The following PRCC variants were observed in gnomAD, a reference collection of about 807,000 sequenced individuals.
PRCC encodes proline rich mitotic checkpoint control factor, also known as proline-rich protein PRCC.
In PRCC, 10 loss-of-function variants were observed where a neutral mutation model predicts 44.0. The observed-to-expected ratio is 0.23, with a 90% CI of 0.14 to 0.39. PRCC has a LOEUF of 0.39. PRCC is among the 10% of genes least tolerant of loss of function. The pLI, the probability that PRCC is intolerant of heterozygous loss-of-function variation, is 1.00. For missense variants in PRCC, 573 were observed against 624.7 expected (o/e 0.92, Z 0.88); for synonymous variants, 278 against 259.5 (o/e 1.07, Z -0.69).
chr1:156,773,664 A>G (rs2102753617), intron 1 of PRCC, among the ~76,000 whole-genome samples: 1 of 152,284 alleles, frequency 6.6e-6, no homozygotes, highest in South Asian at 2.1e-4. Context: ...TTGACTCCAC[A>G]ACCTCCATTT....
At chr1:156,791,459 T>C in intron 3 of PRCC, 1 of 545,366 alleles carries the variant, frequency 1.8e-6, no homozygotes, top group Non-Finnish European at 3.3e-6. Flanking sequence ...TGTTACCCTT[T>C]CCTAAAAAAT....
At chr1:156,780,903 A>G (rs1276193801) in intron 1 of PRCC, among the ~76,000 whole-genome samples, 1 of 151,804 alleles carries the variant, frequency 6.6e-6, no homozygotes, top group African/African-American at 2.4e-5. Context: ...TAATTTTTAT[A>G]TTTTTAGTAG....
At chr1:156,780,441 A>C (rs962815312) in intron 1 of PRCC, among the ~76,000 whole-genome samples, 5 of 149,626 alleles carry the variant, frequency 3.3e-5, no homozygotes, top group African/African-American at 1.2e-4. Context: ...TTTTATTTTA[A>C]ATTTTATTAT....
At chr1:156,797,128 T>C (rs1486813747) in intron 5 of PRCC, 148 bp from the exon 6 acceptor site, 2 of 801,692 alleles carry the variant, frequency 2.5e-6, no homozygotes, top group Non-Finnish European at 2.1e-6. Flanking sequence ...CTTTGTAGTA[T>C]ATAGAGGTAA....
At chr1:156,768,475 A>G (rs1651503789) in intron 1 of PRCC, among the ~76,000 whole-genome samples, 1 of 152,176 alleles carries the variant, frequency 6.6e-6, no homozygotes, top group Non-Finnish European at 1.5e-5. Flanking sequence ...ACATGTCATC[A>G]TCACCTGGTA....
In PRCC at chr1:156,786,856, G is replaced by C. The variant is rs1652264534; in HGVS notation, c.765G>C (p.Gln255His). Residue 255 changes from glutamine to histidine, a missense_variant, in exon 3 of 7, where the codon CAG (glutamine) becomes CAC (histidine). Physicochemically the swap from Gln to His is conservative, Grantham distance 24. Transcript: ENST00000271526. ...IKAAAKSAAL[Q>H]VTKQITQEED... Reference sequence around the variant, plus strand: ...CTGCTGCCAAGAGTGCTGCCCTGCAGGTGACAAAGCAGATCACGCAGGAAG... The same window carrying C: ...CTGCTGCCAAGAGTGCTGCCCTGCACGTGACAAAGCAGATCACGCAGGAAG... 1 of 1,614,110 alleles carries C rather than the reference G, an allele frequency of 6.2e-7. No homozygotes were observed. The highest frequency in any genetic ancestry group is 1.3e-5 in the African/African-American group (1 of 74,940).
At chr1:156,778,925 G>A (rs1389444673) in intron 1 of PRCC, among the ~76,000 whole-genome samples, 5 of 149,302 alleles carry the variant, frequency 3.3e-5, no homozygotes, top group African/African-American at 1.2e-4. Flanking sequence ...TTAGCCTCCC[G>A]AGTAGCTGGG....
chr1:156,770,928 A>G (rs1192645648), intron 1 of PRCC, among the ~76,000 whole-genome samples: 1 of 152,240 alleles, frequency 6.6e-6, no homozygotes, highest in African/African-American at 2.4e-5. Context: ...TGAACATGAT[A>G]GCCCCAGCCC....
In PRCC at chr1:156,767,540, T is replaced by G; in HGVS notation, c.-232T>G. On this transcript the variant is annotated 5_prime_UTR_variant, in exon 1 of 7. Transcript: ENST00000271526. Reference sequence around the variant, plus strand: ...AGGAGGCGGAGTGACTCGGCGGCCATTAGCTGTGTGTAGTTGCCCGGGACT... The same window carrying G: ...AGGAGGCGGAGTGACTCGGCGGCCAGTAGCTGTGTGTAGTTGCCCGGGACT... 1 of 545,816 alleles carries G rather than the reference T, an allele frequency of 1.8e-6. No individual in the cohort carries two copies. Among genetic ancestry groups the G allele is most frequent in the South Asian group, 2.3e-5 (1 of 43,108 alleles). The allele number at this position is 545,816 out of a possible 1,614,324, so 33.8% of individuals were successfully genotyped here. A position where few individuals can be genotyped will look rare whatever the true frequency, so the allele number is the denominator to read the frequency against.
intron 1 of PRCC, among the ~76,000 whole-genome samples, chr1:156,781,371 TGG>T (rs1452445590): frequency 6.6e-6 from 1 of 152,224 alleles, no homozygotes; most frequent in East Asian, 1.9e-4. Context: ...CACAGAATCT[TGG>T]AGATGAATGG....
rs1008300480 is a variant in PRCC, at chr1:156,767,582, A to C, written c.-190A>C. The C allele has an allele frequency of 1.1e-5, 7 of 611,774 alleles. No individual in the cohort carries two copies. Among genetic ancestry groups the C allele is most frequent in the Non-Finnish European group, 1.7e-5 (6 of 352,450 alleles). 37.9% of individuals were successfully genotyped at this position (611,774 alleles called of 1,614,324 possible). ...CCCGGGACTAGGAGCTTAAGTGAAG[A>C]GGTACGCCTTGTTCGGTGGAAATCA... On this transcript the variant is annotated 5_prime_UTR_variant, in exon 1 of 7. Transcript: ENST00000271526.
At chr1:156,772,683 A>G (rs1008188729) in intron 1 of PRCC, among the ~76,000 whole-genome samples, 26 of 152,252 alleles carry the variant, frequency 1.7e-4, no homozygotes, top group Non-Finnish European at 4.4e-5. Flanking sequence ...AAGATAGTAG[A>G]AAATTTGAAG....
At chr1:156,772,194 C>A (rs1192681101) in intron 1 of PRCC, among the ~76,000 whole-genome samples, 12 of 152,116 alleles carry the variant, frequency 7.9e-5, no homozygotes, top group Admixed American at 7.2e-4. Flanking sequence ...GGCTTCTTAA[C>A]CTTTGTTGTA....
chr1:156,771,605 C>T (rs746584691), intron 1 of PRCC, among the ~76,000 whole-genome samples: 5 of 151,778 alleles, frequency 3.3e-5, no homozygotes, highest in South Asian at 4.1e-4. Context: ...TGAGGGAATA[C>T]GGGAGGCAGA....
At position 156,791,224 on chromosome 1, in the gene PRCC, C is replaced by T. The variant is rs78443548; in HGVS notation, c.1084-473C>T. The T allele has an allele frequency of 2.4e-3, 2,835 of 1,176,424 alleles. 52 individuals are homozygous for T. The African/African-American group carries it at 0.039, about 16-fold the overall frequency. The allele number at this position is 1,176,424 out of a possible 1,614,324, so 72.9% of individuals were successfully genotyped here. Reference sequence around the variant, plus strand: ...ATCAGAGATCTATAACCTCCCCACCCGGTTTAGACTGTTTCCCTGTATCCA... The same window carrying T: ...ATCAGAGATCTATAACCTCCCCACCTGGTTTAGACTGTTTCCCTGTATCCA... On this transcript the variant is annotated intron_variant, in intron 3 of 6. Coordinates refer to ENST00000271526, the MANE Select transcript of PRCC (RefSeq NM_005973.5).
At chr1:156,795,285 GTTTTTTTTT>G (rs35911411) in intron 5 of PRCC, among the ~76,000 whole-genome samples, 4 of 36,054 alleles carry the variant, frequency 1.1e-4, no homozygotes, top group East Asian at 9.0e-4. Flanking sequence ...ATTTTCTGGT[GTTTTTTTTT>G]TTTTTTTTTT....
In PRCC at chr1:156,774,154, CA is replaced by C. The variant is rs1158756146; in HGVS notation, c.468+5916del. On this transcript the variant is annotated intron_variant, in intron 1 of 6. Coordinates refer to ENST00000271526, the MANE Select transcript of PRCC (RefSeq NM_005973.5). ...GCGGAGTTTCTTTCTTTTTTTGAGT[CA>C]CCTTTTTTTTTTTTTTTTTTTTTTT... Among the ~76,000 whole-genome samples, 61 of 81,704 alleles carry C rather than the reference CA, an allele frequency of 7.5e-4. 1 individual carries two copies. Among genetic ancestry groups the C allele is most frequent in the African/African-American group, 3.0e-3 (61 of 20,582 alleles). The allele number at this position is 81,704 out of a possible 152,430, so 53.6% of individuals were successfully genotyped here.
At chr1:156,772,524 G>A (rs1357276887) in intron 1 of PRCC, among the ~76,000 whole-genome samples, 1 of 152,138 alleles carries the variant, frequency 6.6e-6, no homozygotes, top group Non-Finnish European at 1.5e-5. Flanking sequence ...CTCAGGGGAG[G>A]CAGACTTCTC....
At chr1:156,796,730 G>A (rs1652672009) in intron 5 of PRCC, 1 of 152,758 alleles carries the variant, frequency 6.5e-6, no homozygotes, top group Admixed American at 6.5e-5. Context: ...TTTAGCCAGA[G>A]GTGATTGATG....
Sources: gnomAD v4.1 joint callset for allele counts (sites outside exome capture counted in the v4.1 genomes callset) on GRCh38, gnomAD v4.1.1 for gene constraint, MANE v1.5 for transcripts, NCBI Gene and HGNC (gene_info 2026-07-23, HGNC 2026-07-21) for gene names.